The following COL23A1 variants were observed in gnomAD, a reference collection of about 807,000 sequenced individuals.
COL23A1 encodes collagen type XXIII alpha 1 chain.
In COL23A1, 97 loss-of-function variants were observed where a neutral mutation model predicts 99.3. The ratio of observed to expected loss-of-function variants is 0.98; its 90% confidence interval spans 0.83 to 1.16. COL23A1 has a LOEUF of 1.16. COL23A1 is among the 50% of genes most tolerant of loss of function. The probability of loss-of-function intolerance (pLI) is 0.00; values close to 1 mark genes in which losing one functional copy is unlikely to be tolerated. For missense variants in COL23A1, 762 were observed against 757.4 expected, an observed-to-expected ratio of 1.01 and a Z score of -0.07; for synonymous variants, 320 against 308.2, an observed-to-expected ratio of 1.04 and a Z score of -0.40.
intron 19 of COL23A1, among the ~76,000 whole-genome samples, chr5:178,248,794 G>A (rs1461071243): frequency 6.6e-6 from 1 of 152,222 alleles, no homozygotes; most frequent in East Asian, 1.9e-4. Flanking sequence ...AGAGTCAGCC[G>A]GGACGGAGCT....
chr5:178,424,892 G>C (rs1006534990), intron 2 of COL23A1, among the ~76,000 whole-genome samples: 2 of 152,140 alleles, frequency 1.3e-5, no homozygotes, highest in African/African-American at 2.4e-5. Context: ...AGTGATCTAG[G>C]GCACCCCGCT....
At chr5:178,259,782 CA>C in intron 11 of COL23A1, 35 bp from the exon 12 acceptor site, 1 of 1,590,772 alleles carries the variant, frequency 6.3e-7, no homozygotes, top group South Asian at 1.1e-5. Context: ...AGAGCAAGGT[CA>C]AAACCATAGG....
chr5:178,485,601 T>G (rs1041943579), intron 2 of COL23A1, among the ~76,000 whole-genome samples: 1 of 151,960 alleles, frequency 6.6e-6, no homozygotes. Context: ...GGTGAAACCC[T>G]GTCTCTACTA....
chr5:178,256,458 G>A (rs11948620), intron 14 of COL23A1, 61 bp from the exon 15 acceptor site: 133,117 of 1,491,784 alleles, frequency 0.089, 6,975 homozygotes, highest in East Asian at 0.2. Flanking sequence ...CACCTCCCAC[G>A]ACCCTGCCCC....
rs530417129 is a variant in COL23A1, at chr5:178,384,434, C to T, written c.362-77515G>A. 6.6e-6 allele frequency among the ~76,000 whole-genome samples: 1 copy of T among 152,370 alleles called. No individual in the cohort carries two copies. The highest frequency in any genetic ancestry group is 2.1e-4 in the South Asian group (1 of 4,832). On this transcript the variant is annotated intron_variant, in intron 2 of 28. Coordinates refer to ENST00000390654, the MANE Select transcript of COL23A1 (RefSeq NM_173465.4). This position sits in a 1 kb window ranked among gnomAD's most constrained non-coding sequence, Gnocchi z 5.5. ...ATCCGGGTAGTAAACCAGGCTTCGGCTTTCCAAGCCAGACCTCTCCTCCCT... is the reference window on the plus strand; with the variant it reads ...ATCCGGGTAGTAAACCAGGCTTCGGTTTTCCAAGCCAGACCTCTCCTCCCT...
chr5:178,336,011 T>G (rs1760296493), intron 2 of COL23A1, among the ~76,000 whole-genome samples: 1 of 152,192 alleles, frequency 6.6e-6, no homozygotes, highest in Non-Finnish European at 1.5e-5. Flanking sequence ...CTTATCCAAG[T>G]GGCAGGCTAA....
intron 5 of COL23A1, among the ~76,000 whole-genome samples, chr5:178,274,673 G>A (rs1001434224): frequency 6.6e-6 from 1 of 152,174 alleles, no homozygotes; most frequent in African/African-American, 2.4e-5. Context: ...ATCTCCCACA[G>A]AAGGAGTGGG....
chr5:178,299,527 G>A (rs1757919851), intron 3 of COL23A1, among the ~76,000 whole-genome samples: 1 of 152,022 alleles, frequency 6.6e-6, no homozygotes, highest in Non-Finnish European at 1.5e-5. Context: ...GGTAATTTGA[G>A]ACTCCAGTGT....
At chr5:178,561,020 G>A (rs1412568061) in intron 1 of COL23A1, among the ~76,000 whole-genome samples, 2 of 152,222 alleles carry the variant, frequency 1.3e-5, no homozygotes, top group East Asian at 3.8e-4. Flanking sequence ...AGAATACCAA[G>A]AGTTACGACA....
intron 1 of COL23A1, among the ~76,000 whole-genome samples, chr5:178,565,702 G>A (rs571424928): frequency 1.3e-5 from 2 of 152,210 alleles, no homozygotes; most frequent in South Asian, 2.1e-4. Flanking sequence ...TTACAGATGG[G>A]AAAATTGAGA....
chr5:178,245,398 A>G (rs1449671808), intron 25 of COL23A1, among the ~76,000 whole-genome samples: 1 of 147,662 alleles, frequency 6.8e-6, no homozygotes, highest in Non-Finnish European at 1.5e-5. Context: ...TAGATAGATG[A>G]ATGGATGGAT....
intron 2 of COL23A1, among the ~76,000 whole-genome samples, chr5:178,501,434 AG>A (rs1380113272): frequency 6.6e-6 from 1 of 152,166 alleles, no homozygotes; most frequent in African/African-American, 2.4e-5. Context: ...ACAAAAAATT[AG>A]CCAGGCATGG....
chr5:178,350,117 C>T (rs1761235626), intron 2 of COL23A1, among the ~76,000 whole-genome samples: 1 of 152,214 alleles, frequency 6.6e-6, no homozygotes, highest in East Asian at 1.9e-4. Flanking sequence ...ATGCTCTTCC[C>T]CTGCCTACAA....
intron 2 of COL23A1, among the ~76,000 whole-genome samples, chr5:178,520,020 G>C (rs1212773900): frequency 6.6e-6 from 1 of 152,142 alleles, no homozygotes; most frequent in Non-Finnish European, 1.5e-5. Context: ...ATAGAGAGTT[G>C]GGTGAATGGA....
At chr5:178,344,425 T>C (rs1445687019) in intron 2 of COL23A1, among the ~76,000 whole-genome samples, 1 of 151,964 alleles carries the variant, frequency 6.6e-6, no homozygotes, top group Non-Finnish European at 1.5e-5. Flanking sequence ...TCACCTGAGG[T>C]CAGGAGTTGG....
intron 2 of COL23A1, among the ~76,000 whole-genome samples, chr5:178,552,543 T>C (rs1762051293): frequency 6.6e-6 from 1 of 151,820 alleles, no homozygotes; most frequent in Admixed American, 6.6e-5. Flanking sequence ...CTATAAAAAA[T>C]AATCCCAAAA....
At chr5:178,270,432 AG>A (rs1756223294) in intron 5 of COL23A1, 69 bp from the exon 6 acceptor site, 1 of 1,575,136 alleles carries the variant, frequency 6.3e-7, no homozygotes, top group Admixed American at 1.7e-5. Flanking sequence ...CTTATGACCC[AG>A]GTGCACTATT....
intron 1 of COL23A1, among the ~76,000 whole-genome samples, chr5:178,578,147 A>G (rs1763486992): frequency 2.0e-5 from 3 of 151,578 alleles, no homozygotes; most frequent in Admixed American, 6.6e-5. Flanking sequence ...ATGCACACAC[A>G]TGCACACACA....
intron 2 of COL23A1, among the ~76,000 whole-genome samples, chr5:178,514,393 C>T (rs1297097147): frequency 1.3e-5 from 2 of 152,212 alleles, no homozygotes; most frequent in Admixed American, 1.3e-4. Flanking sequence ...TCTTTCCAAG[C>T]CCCTGCTTTC....
Sources: gnomAD v4.1 joint callset for allele counts (sites outside exome capture counted in the v4.1 genomes callset) on GRCh38, gnomAD v4.1.1 for gene constraint, Gnocchi (gnomAD v3.1) non-coding constraint, MANE v1.5 for transcripts, NCBI Gene and HGNC (gene_info 2026-07-23, HGNC 2026-07-21) for gene names.